Variants in CRPPA observed in about 807,000 individuals in gnomAD.
The protein encoded by CRPPA is CDP-L-ribitol pyrophosphorylase A, also known as D-ribitol-5-phosphate cytidylyltransferase.
A neutral mutation model predicts 52.0 loss-of-function variants in CRPPA; 43 were observed. That is an observed-to-expected ratio of 0.83 (90% CI 0.65 to 1.07). The LOEUF is 1.07. CRPPA is among the 50% of genes least tolerant of loss of function. CRPPA has a pLI of 0.00. For missense variants in CRPPA, 629 were observed against 551.7 expected (o/e 1.14, Z -1.40); for synonymous variants, 250 against 203.5 (o/e 1.23, Z -1.94).
intron 8 of CRPPA, among the ~76,000 whole-genome samples, chr7:16,236,187 C>A (rs577180165): frequency 1.3e-5 from 2 of 152,112 alleles, no homozygotes; most frequent in South Asian, 4.2e-4. Flanking sequence ...AATACATTAA[C>A]TAAGAAAATT....
rs115356812 is a variant in CRPPA at position 16,204,217 on chromosome 7, A to G, written c.1251+11849T>C. On this transcript the variant is annotated intron_variant, in intron 9 of 9. Coordinates refer to ENST00000407010, the MANE Select transcript of CRPPA (RefSeq NM_001101426.4). ...AAATTTTTACACACTTCCATCTACA[A>G]TGTCATAAGCATCAGAAAACTATAT... Among the ~76,000 whole-genome samples, 565 of 152,272 alleles carry G rather than the reference A, an allele frequency of 3.7e-3. 2 individuals are homozygous for G. The highest frequency in any genetic ancestry group is 0.013 in the African/African-American group (552 of 41,566).
chr7:16,385,844 C>T (rs1221025712), intron 2 of CRPPA, among the ~76,000 whole-genome samples: 1 of 152,204 alleles, frequency 6.6e-6, no homozygotes, highest in African/African-American at 2.4e-5. Context: ...ACTCAAACCC[C>T]TTATGGGATG....
chr7:16,406,364 G>T lies in CRPPA; in HGVS notation c.258-27C>A, dbSNP rs528275813. On this transcript the variant is annotated intron_variant, in intron 1 of 9. Transcript: ENST00000407010. ...TAAAAGGAAAGTATATGTACAATTC[G>T]TAAATTAATTCTTAGACAACTAAAG... The T allele has an allele frequency of 4.4e-6, 7 of 1,582,300 alleles. No individual in the cohort carries two copies. The South Asian group carries it at 5.7e-5, about 13-fold the overall frequency.
At position 16,208,034 on chromosome 7, in the gene CRPPA, T is replaced by C. The variant is rs142292918; in HGVS notation, c.1251+8032A>G. 4.4e-3 allele frequency among the ~76,000 whole-genome samples: 668 copies of C among 152,338 alleles called. 8 individuals are homozygous for C. Among genetic ancestry groups the C allele is most frequent in the African/African-American group, 0.015 (640 of 41,584 alleles). On this transcript the variant is annotated intron_variant, in intron 9 of 9. Transcript: ENST00000407010. ...GAGACACAGCACCTTTTGTATTACATGCTTTTACTGTATGCATCTCAACTT... is the reference window on the plus strand; with the variant it reads ...GAGACACAGCACCTTTTGTATTACACGCTTTTACTGTATGCATCTCAACTT...
chr7:16,227,437 A>G (rs1004484237), intron 8 of CRPPA, among the ~76,000 whole-genome samples: 3 of 151,838 alleles, frequency 2.0e-5, no homozygotes, highest in Non-Finnish European at 3.0e-5. Flanking sequence ...TCTAATAGGC[A>G]TGAGGTGATA....
intron 3 of CRPPA, among the ~76,000 whole-genome samples, chr7:16,359,732 G>C (rs1443570186): frequency 6.6e-6 from 1 of 152,212 alleles, no homozygotes; most frequent in African/African-American, 2.4e-5. Context: ...ACAGTGCCAA[G>C]AGGACCTTTT....
At chr7:16,191,652 G>A (rs1781613506) in intron 9 of CRPPA, among the ~76,000 whole-genome samples, 2 of 152,074 alleles carry the variant, frequency 1.3e-5, no homozygotes, top group Admixed American at 6.6e-5. Context: ...AGCTATATTG[G>A]ACTTTGAGGC....
chr7:16,201,839 T>C (rs958810653), intron 9 of CRPPA, among the ~76,000 whole-genome samples: 1 of 152,218 alleles, frequency 6.6e-6, no homozygotes, highest in Admixed American at 6.5e-5. Flanking sequence ...CTGATTTGTT[T>C]CTTACTTTCC....
intron 3 of CRPPA, among the ~76,000 whole-genome samples, chr7:16,335,754 C>G (rs921771397): frequency 6.6e-6 from 1 of 152,156 alleles, no homozygotes; most frequent in Non-Finnish European, 1.5e-5. Context: ...TGGGGAAAGA[C>G]AACAACCATA....
intron 9 of CRPPA, among the ~76,000 whole-genome samples, chr7:16,125,888 TACACACACACACACACACACACACACAC>T (rs3083131): frequency 7.4e-6 from 1 of 134,236 alleles, no homozygotes; most frequent in Admixed American, 7.4e-5. Context: ...GAAGCTTGCC[TACACACACACACACACACACACACACAC>T]ACACACACAC....
intron 1 of CRPPA, among the ~76,000 whole-genome samples, chr7:16,406,942 T>C (rs1787968537): frequency 6.6e-6 from 1 of 152,208 alleles, no homozygotes; most frequent in Admixed American, 6.5e-5. Context: ...AGGATTGTTC[T>C]ATTGAGTCAT....
chr7:16,126,457 A>T (rs553763012), intron 9 of CRPPA, among the ~76,000 whole-genome samples: 268 of 152,338 alleles, frequency 1.8e-3, no homozygotes, highest in Non-Finnish European at 3.1e-3. Context: ...GATTAACAAC[A>T]ATCAAATGTG....
chr7:16,368,670 A>G (rs1786671211), intron 3 of CRPPA, among the ~76,000 whole-genome samples: 1 of 152,218 alleles, frequency 6.6e-6, no homozygotes, highest in African/African-American at 2.4e-5. Context: ...CAACAATTTC[A>G]TGATCAAATT....
At chr7:16,234,765 C>A (rs918671770) in intron 8 of CRPPA, among the ~76,000 whole-genome samples, 2 of 152,052 alleles carry the variant, frequency 1.3e-5, no homozygotes, top group African/African-American at 4.8e-5. Flanking sequence ...AATATCTACA[C>A]ATGCTGACTT....
chr7:16,213,044 A>G (rs530751761), intron 9 of CRPPA, among the ~76,000 whole-genome samples: 45 of 152,360 alleles, frequency 3.0e-4, no homozygotes, highest in African/African-American at 1.0e-3. Flanking sequence ...AAATTGAAAA[A>G]TATATAGTTG....
intron 6 of CRPPA, among the ~76,000 whole-genome samples, chr7:16,259,335 G>T (rs1783731504): frequency 6.6e-6 from 1 of 151,946 alleles, no homozygotes; most frequent in African/African-American, 2.4e-5. Flanking sequence ...GCATGTTGAA[G>T]GACTAAAAGA....
intron 9 of CRPPA, among the ~76,000 whole-genome samples, chr7:16,164,679 C>T (rs539093328): frequency 3.9e-4 from 60 of 152,234 alleles, no homozygotes; most frequent in African/African-American, 1.3e-3. Context: ...TGGTGACTTT[C>T]GGATGGGGTT....
intron 9 of CRPPA, among the ~76,000 whole-genome samples, chr7:16,205,225 A>G (rs547655669): frequency 6.6e-6 from 1 of 152,302 alleles, no homozygotes; most frequent in Non-Finnish European, 1.5e-5. Flanking sequence ...AAATAACAAA[A>G]GGCATGCATT....
chr7:16,207,299 C>T (rs6961874), intron 9 of CRPPA, among the ~76,000 whole-genome samples: 52,749 of 151,976 alleles, frequency 0.35, 9,643 homozygotes, highest in Admixed American at 0.42. Context: ...TTAGGCAATA[C>T]GCTGCAAATG....
Sources: allele counts gnomAD v4.1 joint callset (sites outside exome capture counted in the v4.1 genomes callset), GRCh38; gene constraint gnomAD v4.1.1; transcripts MANE v1.5; gene names NCBI Gene and HGNC (gene_info 2026-07-23, HGNC 2026-07-21).